The following DHRS3 variants were observed in gnomAD, a reference collection of about 807,000 sequenced individuals.
The protein encoded by DHRS3 is short-chain dehydrogenase/reductase 3.
A neutral mutation model predicts 27.2 loss-of-function variants in DHRS3; 14 were observed. That is an observed-to-expected ratio of 0.52 (90% CI 0.34 to 0.81). The LOEUF (loss-of-function observed/expected upper bound fraction) is 0.81, where lower values mean the gene tolerates loss of function less well. Ranked by LOEUF, DHRS3 falls within the 30% of genes least tolerant of loss-of-function variation. The pLI is 0.01. For synonymous variants in DHRS3, 165 were observed against 175.9 expected (o/e 0.94, Z 0.49); for missense variants, 322 against 406.2 (o/e 0.79, Z 1.78).
At chr1:12,616,764 G>T in intron 1 of DHRS3, 1 of 1,026,122 alleles carries the variant, frequency 9.7e-7, no homozygotes, top group Non-Finnish European at 1.2e-6. Flanking sequence ...GCGGCTCCCA[G>T]CTCTACCCAG....
rs1646743721 is a variant in DHRS3 at position 12,591,326 on chromosome 1, G to A, written c.196-10660C>T. Among the ~76,000 whole-genome samples, 3 of 152,238 alleles carry A rather than the reference G, an allele frequency of 2.0e-5. No individual in the cohort carries two copies. Among genetic ancestry groups the A allele is most frequent in the Admixed American group, 1.3e-4 (2 of 15,284 alleles). Reference sequence around the variant, plus strand: ...CTGCTGGGCTGCTGAAGCCTAGGCAGGTCTCTCCCACGTAGCCCTGCAAAA... The same window carrying A: ...CTGCTGGGCTGCTGAAGCCTAGGCAAGTCTCTCCCACGTAGCCCTGCAAAA... On this transcript the variant is annotated intron_variant, in intron 1 of 5. Coordinates refer to ENST00000616661, the MANE Select transcript of DHRS3 (RefSeq NM_004753.7). The surrounding 1 kb of genome is among the most constrained non-coding windows in gnomAD (Gnocchi z 4.1).
In DHRS3 at chr1:12,568,371, G is replaced by A. The variant is rs868361761; in HGVS notation, c.878C>T (p.Thr293Ile). The A allele has an allele frequency of 2.5e-6, 4 of 1,613,886 alleles. No individual in the cohort carries two copies. The highest frequency in any genetic ancestry group is 2.7e-5 in the African/African-American group (2 of 74,920). Residue 293 changes from threonine to isoleucine, a missense_variant, in exon 6 of 6, where the codon ACC becomes ATC. By Grantham distance (89) the Thr-to-Ile change is moderately conservative. Coordinates refer to ENST00000616661, the MANE Select transcript of DHRS3 (RefSeq NM_004753.7). ...CCGCCCTTTGAAAGTGTTCATGCAG[G>A]TGTAGGTTCCTGAGAATTTGTGGAT... is the stretch of plus-strand genomic sequence containing the variant. The part of the protein sequence containing the change: ...EEIHKFSGTY[T>I]CMNTFKGRT
chr1:12,581,250 C>A (rs1329477339), intron 1 of DHRS3, among the ~76,000 whole-genome samples: 2 of 152,238 alleles, frequency 1.3e-5, no homozygotes, highest in East Asian at 3.8e-4. Flanking sequence ...TTTTAGCAGG[C>A]TGCCTCCTGC....
intron 1 of DHRS3, among the ~76,000 whole-genome samples, chr1:12,584,895 GTC>G (rs2100674378): frequency 7.4e-6 from 1 of 134,630 alleles, no homozygotes; most frequent in Non-Finnish European, 1.6e-5. Flanking sequence ...GTGTGTGTGT[GTC>G]TGTGTGGGTC....
chr1:12,589,247 C>G (rs1257363096), intron 1 of DHRS3, among the ~76,000 whole-genome samples: 2 of 152,150 alleles, frequency 1.3e-5, no homozygotes, highest in Non-Finnish European at 2.9e-5. Context: ...AGGAGAGACC[C>G]TTTCTCGAGT....
chr1:12,574,922 A>T lies in DHRS3; in HGVS notation c.699-2069T>A, dbSNP rs1244472036. ...TGCTTCTCTGAGCCTCAGTTCCCTC[A>T]TCTGTAAAATGGGAATAAAAGCTCT... On this transcript the variant is annotated intron_variant, in intron 4 of 5. Coordinates refer to ENST00000616661, the MANE Select transcript of DHRS3 (RefSeq NM_004753.7). This position sits in a 1 kb window ranked among gnomAD's most constrained non-coding sequence, Gnocchi z 4.6. Among the ~76,000 whole-genome samples, 1 of 152,148 alleles carries T rather than the reference A, an allele frequency of 6.6e-6. No homozygotes were observed. The highest frequency in any genetic ancestry group is 1.5e-5 in the Non-Finnish European group (1 of 68,014).
At chr1:12,609,898 T>C (rs112732351) in intron 1 of DHRS3, among the ~76,000 whole-genome samples, 1,656 of 152,254 alleles carry the variant, frequency 0.011, 35 homozygotes, top group African/African-American at 0.038. Context: ...GTCCTCTTCC[T>C]GGAATGCTAC....
In DHRS3 at chr1:12,581,891, T is replaced by G. The variant is rs141109966; in HGVS notation, c.196-1225A>C. Reference sequence around the variant, plus strand: ...TGGGAATTCGTCCGGTGGGCTTCTATTTTTGTTTCTTTTCTCTTTTATTTA... The same window carrying G: ...TGGGAATTCGTCCGGTGGGCTTCTAGTTTTGTTTCTTTTCTCTTTTATTTA... On this transcript the variant is annotated intron_variant, in intron 1 of 5. Coordinates refer to ENST00000616661, the MANE Select transcript of DHRS3 (RefSeq NM_004753.7). Among the ~76,000 whole-genome samples the G allele has an allele frequency of 1.2e-4, 19 of 152,330 alleles. No individual in the cohort carries two copies. The East Asian group carries it at 2.9e-3, about 23-fold the overall frequency.
At chr1:12,585,364 T>A (rs1324790617) in intron 1 of DHRS3, among the ~76,000 whole-genome samples, 1 of 142,938 alleles carries the variant, frequency 7.0e-6, no homozygotes, top group Non-Finnish European at 1.5e-5. Context: ...TGTGTGTCTG[T>A]GTCTCTGTGT....
At chr1:12,581,436 C>T (rs1646642972) in intron 1 of DHRS3, among the ~76,000 whole-genome samples, 2 of 152,176 alleles carry the variant, frequency 1.3e-5, no homozygotes, top group South Asian at 4.1e-4. Flanking sequence ...TTCACAGGAG[C>T]TAAGCCGAGC....
Position 12,593,247 on chromosome 1 carries a change from C to T in DHRS3, c.196-12581G>A, listed in dbSNP as rs533408882. Reference sequence around the variant, plus strand: ...GTCTCAGCTACTCCCTCCTAGGTCTCGGCCCTGCAGAAGCACTGGCCCCCT... The same window carrying T: ...GTCTCAGCTACTCCCTCCTAGGTCTTGGCCCTGCAGAAGCACTGGCCCCCT... On this transcript the variant is annotated intron_variant, in intron 1 of 5. Coordinates refer to ENST00000616661, the MANE Select transcript of DHRS3 (RefSeq NM_004753.7). This position sits in a 1 kb window ranked among gnomAD's most constrained non-coding sequence, Gnocchi z 4.6. Among the ~76,000 whole-genome samples the T allele has an allele frequency of 7.9e-5, 12 of 152,218 alleles. No homozygotes were observed. Among genetic ancestry groups the T allele is most frequent in the Non-Finnish European group, 1.6e-4 (11 of 68,036 alleles).
intron 5 of DHRS3, among the ~76,000 whole-genome samples, chr1:12,571,698 T>A: frequency 6.6e-6 from 1 of 151,702 alleles, no homozygotes; most frequent in Admixed American, 6.6e-5. Context: ...ACCCAGCTAA[T>A]TTTTTTTGTA....
chr1:12,597,050 T>TG lies in DHRS3; in HGVS notation c.196-16385dup, dbSNP rs1041247618. On this transcript the variant is annotated intron_variant, in intron 1 of 5. Transcript: ENST00000616661. ...ATTAACTAATGATCACCCTGCCTTGTGGGGGGTGGGGAACCTAGAAATGAC... is the reference window on the plus strand; with the variant it reads ...ATTAACTAATGATCACCCTGCCTTGTGGGGGGGTGGGGAACCTAGAAATGAC... Among the ~76,000 whole-genome samples, 19 of 152,118 alleles carry TG rather than the reference T, an allele frequency of 1.2e-4. No individual in the cohort carries two copies. In the East Asian group the frequency reaches 1.7e-3, roughly 14 times the overall value.
At chr1:12,580,741 C>A in intron 1 of DHRS3, 75 bp from the exon 2 acceptor site, 1 of 1,530,566 alleles carries the variant, frequency 6.5e-7, no homozygotes, top group South Asian at 1.3e-5. Context: ...ACCAGAAATT[C>A]AGGATTTAAA....
intron 1 of DHRS3, among the ~76,000 whole-genome samples, chr1:12,596,998 C>T (rs968923599): frequency 6.6e-6 from 1 of 152,028 alleles, no homozygotes; most frequent in African/African-American, 2.4e-5. Context: ...TCAAGGAGAC[C>T]CCCATTGACT....
chr1:12,601,174 C>T (rs1009142062), intron 1 of DHRS3, among the ~76,000 whole-genome samples: 1 of 152,048 alleles, frequency 6.6e-6, no homozygotes, highest in African/African-American at 2.4e-5. Flanking sequence ...CATTGTATCC[C>T]CCCATCTGCC....
rs961695037 is a variant in DHRS3, at chr1:12,593,211, C to T, written c.196-12545G>A. Among the ~76,000 whole-genome samples the T allele has an allele frequency of 2.0e-5, 3 of 152,134 alleles. No individual in the cohort carries two copies. On this transcript the variant is annotated intron_variant, in intron 1 of 5. Coordinates refer to ENST00000616661, the MANE Select transcript of DHRS3 (RefSeq NM_004753.7). This position sits in a 1 kb window ranked among gnomAD's most constrained non-coding sequence, Gnocchi z 4.6. Reference sequence around the variant, plus strand: ...GGGATCGCAGGCCCTTCCTGGTCTGCCCCATCCCTCGTCTCAGCTACTCCC... The same window carrying T: ...GGGATCGCAGGCCCTTCCTGGTCTGTCCCATCCCTCGTCTCAGCTACTCCC...
chr1:12,616,840 G>GC (rs1646947968), intron 1 of DHRS3: 60 of 555,212 alleles, frequency 1.1e-4, no homozygotes, highest in Non-Finnish European at 1.4e-4. Context: ...GGGGAGGGGG[G>GC]CACAACACCT....
intron 4 of DHRS3, among the ~76,000 whole-genome samples, chr1:12,573,354 C>A (rs1381124088): frequency 6.6e-6 from 1 of 152,208 alleles, no homozygotes; most frequent in Non-Finnish European, 1.5e-5. Flanking sequence ...CTGATCCTGT[C>A]CCCTGCTAAT....
Sources: gnomAD v4.1 joint callset for allele counts (sites outside exome capture counted in the v4.1 genomes callset) on GRCh38, gnomAD v4.1.1 for gene constraint, Gnocchi (gnomAD v3.1) non-coding constraint, MANE v1.5 for transcripts, NCBI Gene and HGNC (gene_info 2026-07-23, HGNC 2026-07-21) for gene names.